The following SYNDIG1 variants were observed in gnomAD, a reference collection of about 807,000 sequenced individuals.
SYNDIG1 encodes synapse differentiation inducing 1.
In SYNDIG1, 9 loss-of-function variants were observed where a neutral mutation model predicts 19.4. The ratio of observed to expected loss-of-function variants is 0.46; its 90% confidence interval spans 0.28 to 0.81. The LOEUF (loss-of-function observed/expected upper bound fraction) is 0.81. Ranked by LOEUF, SYNDIG1 falls within the 30% of genes least tolerant of loss-of-function variation. The pLI, the probability that SYNDIG1 is intolerant of heterozygous loss-of-function variation, is 0.12. For synonymous variants in SYNDIG1, 141 were observed against 145.9 expected, an observed-to-expected ratio of 0.97 and a Z score of 0.24; for missense variants, 311 against 343.3, an observed-to-expected ratio of 0.91 and a Z score of 0.74.
At chr20:24,482,251 T>C (rs1265594739) in intron 1 of SYNDIG1, among the ~76,000 whole-genome samples, 1 of 152,228 alleles carries the variant, frequency 6.6e-6, no homozygotes, top group Non-Finnish European at 1.5e-5. Context: ...TCACCCAGGC[T>C]GGAGTGCAGT....
intron 1 of SYNDIG1, among the ~76,000 whole-genome samples, chr20:24,517,429 C>A (rs2056898768): frequency 6.7e-6 from 1 of 150,322 alleles, no homozygotes; most frequent in African/African-American, 2.4e-5. Flanking sequence ...TCCTGGCTAA[C>A]ACGGTGAAAC....
intron 2 of SYNDIG1, among the ~76,000 whole-genome samples, chr20:24,553,747 G>T (rs2057755494): frequency 1.3e-5 from 2 of 152,198 alleles, no homozygotes; most frequent in Non-Finnish European, 2.9e-5. Context: ...GTAGTGTGAT[G>T]CCTCCAGCTT....
At chr20:24,522,904 A>G (rs1052763725) in intron 1 of SYNDIG1, among the ~76,000 whole-genome samples, 4 of 151,752 alleles carry the variant, frequency 2.6e-5, no homozygotes, top group Admixed American at 2.6e-4. Flanking sequence ...ATGTAAACTA[A>G]CACAGCAAGA....
intron 1 of SYNDIG1, among the ~76,000 whole-genome samples, chr20:24,471,602 T>TAAAA (rs11442019): frequency 1.7e-4 from 23 of 132,954 alleles, no homozygotes; most frequent in African/African-American, 3.4e-4. Context: ...AGGGCCTTGT[T>TAAAA]AAAAAAAAAA....
intron 3 of SYNDIG1, among the ~76,000 whole-genome samples, chr20:24,621,602 T>G (rs761035643): frequency 6.6e-6 from 1 of 152,160 alleles, no homozygotes; most frequent in Admixed American, 6.5e-5. Flanking sequence ...GGGGGAAAAC[T>G]CTACCCTGGG....
chr20:24,627,609 A>G (rs1455167900), intron 3 of SYNDIG1, among the ~76,000 whole-genome samples: 1 of 152,270 alleles, frequency 6.6e-6, no homozygotes, highest in Non-Finnish European at 1.5e-5. Context: ...TCAAAGGCTA[A>G]AAGACATGAA....
At chr20:24,568,174 C>G (rs767591331) in intron 2 of SYNDIG1, among the ~76,000 whole-genome samples, 3 of 152,124 alleles carry the variant, frequency 2.0e-5, no homozygotes, top group Non-Finnish European at 2.9e-5. Context: ...AAAAGAAATG[C>G]AGCAGCTGGT....
intron 3 of SYNDIG1, among the ~76,000 whole-genome samples, chr20:24,633,492 G>C (rs75129014): frequency 7.2e-5 from 11 of 152,044 alleles, no homozygotes; most frequent in Non-Finnish European, 1.6e-4. Context: ...ACGTTCACGG[G>C]GGGGAATGTT....
At chr20:24,579,359 A>G (rs1159584229) in intron 2 of SYNDIG1, among the ~76,000 whole-genome samples, 1 of 152,224 alleles carries the variant, frequency 6.6e-6, no homozygotes, top group Non-Finnish European at 1.5e-5. Flanking sequence ...GTGAGGACTA[A>G]TAGTGGCAGA....
intron 1 of SYNDIG1, among the ~76,000 whole-genome samples, chr20:24,542,041 T>C (rs1021084254): frequency 6.6e-6 from 1 of 152,154 alleles, no homozygotes; most frequent in African/African-American, 2.4e-5. Context: ...GCAAAGGCAA[T>C]ATATATGACA....
intron 1 of SYNDIG1, among the ~76,000 whole-genome samples, chr20:24,485,526 T>G (rs2055931702): frequency 6.6e-6 from 1 of 152,222 alleles, no homozygotes; most frequent in African/African-American, 2.4e-5. Flanking sequence ...TAGTGACTTC[T>G]CCAGACTTAT....
At chr20:24,530,224 T>C (rs1244467408) in intron 1 of SYNDIG1, among the ~76,000 whole-genome samples, 2 of 152,166 alleles carry the variant, frequency 1.3e-5, no homozygotes, top group African/African-American at 2.4e-5. Context: ...TCACATCATA[T>C]CTGCTATATA....
intron 3 of SYNDIG1, among the ~76,000 whole-genome samples, chr20:24,594,576 A>G (rs2058566890): frequency 6.6e-6 from 1 of 152,150 alleles, no homozygotes; most frequent in Non-Finnish European, 1.5e-5. Flanking sequence ...TGTCATTGGT[A>G]ATTTGATAGG....
At chr20:24,605,433 C>T (rs960215830) in intron 3 of SYNDIG1, among the ~76,000 whole-genome samples, 2 of 152,070 alleles carry the variant, frequency 1.3e-5, no homozygotes, top group Non-Finnish European at 2.9e-5. Context: ...TCTCTCTCTC[C>T]CTCCCCCAGT....
chr20:24,645,468 C>T (rs1470885604), intron 3 of SYNDIG1, among the ~76,000 whole-genome samples: 1 of 152,196 alleles, frequency 6.6e-6, no homozygotes, highest in East Asian at 1.9e-4. Flanking sequence ...GTGGCTGTGG[C>T]TCTCACTGAA....
At chr20:24,602,091 CTTTGT>C (rs2058688235) in intron 3 of SYNDIG1, among the ~76,000 whole-genome samples, 1 of 151,986 alleles carries the variant, frequency 6.6e-6, no homozygotes. Context: ...CACTTCCAAG[CTTTGT>C]TTTATTTCCT....
At chr20:24,656,602 C>T (rs565286410) in intron 3 of SYNDIG1, among the ~76,000 whole-genome samples, 117 of 152,320 alleles carry the variant, frequency 7.7e-4, no homozygotes, top group Non-Finnish European at 1.4e-3. Flanking sequence ...GATGCAGGAC[C>T]GAGCTGAAGC....
chr20:24,500,558 TTCTC>T (rs1156324838), intron 1 of SYNDIG1, among the ~76,000 whole-genome samples: 17 of 151,644 alleles, frequency 1.1e-4, no homozygotes, highest in African/African-American at 3.1e-4. Flanking sequence ...TCTTTTTTCT[TTCTC>T]TCTCTCTCTT....
In SYNDIG1 at chr20:24,543,051, T is replaced by A; in HGVS notation, c.-47T>A. ...TGGCTTCCCTGAGGCAAGTGTAACCTACATTCCCAGCCCACCAGCCTGACG... is the reference window on the plus strand; with the variant it reads ...TGGCTTCCCTGAGGCAAGTGTAACCAACATTCCCAGCCCACCAGCCTGACG... On this transcript the variant is annotated 5_prime_UTR_variant, in exon 2 of 4. Coordinates refer to ENST00000376862, the MANE Select transcript of SYNDIG1 (RefSeq NM_024893.3). 6.3e-7 allele frequency: 1 copy of A among 1,584,924 alleles called. No homozygotes were observed. The highest frequency in any genetic ancestry group is 1.2e-5 in the South Asian group (1 of 86,132).
Sources: gnomAD v4.1 joint callset for allele counts (sites outside exome capture counted in the v4.1 genomes callset) on GRCh38, gnomAD v4.1.1 for gene constraint, MANE v1.5 for transcripts, NCBI Gene and HGNC (gene_info 2026-07-23, HGNC 2026-07-21) for gene names.